Variants in RUFY3 observed in about 807,000 individuals in gnomAD.
RUFY3 encodes the protein protein RUFY3.
A neutral mutation model predicts 84.0 loss-of-function variants in RUFY3; 34 were observed. That is an observed-to-expected ratio of 0.40 (90% confidence interval 0.31 to 0.54). The LOEUF is 0.54. RUFY3 is among the 20% of genes least tolerant of loss of function. RUFY3 has a pLI of 0.39. For missense variants in RUFY3, 507 were observed against 736.8 expected (o/e 0.69, Z 3.61); for synonymous variants, 242 against 252.9 (o/e 0.96, Z 0.41).
Position 70,722,081 on chromosome 4 carries a change from A to AT in RUFY3, c.-483dup, listed in dbSNP as rs1010300782. The stretch of plus-strand genomic sequence containing the variant: ...CTGGAAGTGATTTCTGCAGCTCAGG[A>AT]TTTTTTTTTTAAGCTACATTGAAAA... On this transcript the variant is annotated 5_prime_UTR_variant, in exon 1 of 18. It introduces an in-frame stop codon into an upstream open reading frame of the 5' UTR. Coordinates refer to ENST00000381006, the MANE Select transcript of RUFY3 (RefSeq NM_001037442.4). The AT allele has an allele frequency of 9.9e-5, 115 of 1,158,960 alleles. No homozygotes were observed. Among genetic ancestry groups the AT allele is most frequent in the East Asian group, 3.1e-4 (9 of 29,128 alleles). 71.8% of individuals were successfully genotyped at this position (1,158,960 alleles called of 1,614,324 possible).
chr4:70,785,752 C>A (rs570613407), intron 10 of RUFY3, among the ~76,000 whole-genome samples: 1 of 152,128 alleles, frequency 6.6e-6, no homozygotes, highest in East Asian at 1.9e-4. Context: ...AGGAGAATTG[C>A]TTGAACCTGG....
intron 1 of RUFY3, among the ~76,000 whole-genome samples, chr4:70,731,196 C>T (rs1719213905): frequency 6.6e-6 from 1 of 152,052 alleles, no homozygotes; most frequent in African/African-American, 2.4e-5. Context: ...CGCCACCATG[C>T]CCGGCTAATT....
chr4:70,776,299 G>A lies in RUFY3; in HGVS notation c.824+1066G>A, dbSNP rs186070892. ...CAATAGACTATAATAAAAGTAATGT[G>A]AATGTAGTGTCTCCCTCAAAATCAA... On this transcript the variant is annotated intron_variant, in intron 7 of 17. Transcript: ENST00000381006. Among the ~76,000 whole-genome samples, 4 of 152,264 alleles carry A rather than the reference G, an allele frequency of 2.6e-5. No individual in the cohort carries two copies. The East Asian group carries it at 7.7e-4, about 29-fold the overall frequency.
intron 1 of RUFY3, among the ~76,000 whole-genome samples, chr4:70,753,890 G>A (rs6846947): frequency 0.2 from 30,123 of 151,972 alleles, 6,442 homozygotes; most frequent in African/African-American, 0.53. Flanking sequence ...AGCTTCAAAG[G>A]GGTGAGATTT....
At chr4:70,738,945 G>A (rs1405262379) in intron 1 of RUFY3, among the ~76,000 whole-genome samples, 1 of 151,338 alleles carries the variant, frequency 6.6e-6, no homozygotes, top group Non-Finnish European at 1.5e-5. Context: ...TGAACTCATG[G>A]GCTAGGCGAT....
At chr4:70,782,185 A>G (rs1729033276) in intron 8 of RUFY3, among the ~76,000 whole-genome samples, 1 of 152,142 alleles carries the variant, frequency 6.6e-6, no homozygotes, top group African/African-American at 2.4e-5. Flanking sequence ...TTATTAATAA[A>G]TAATTTTTTT....
At chr4:70,802,800 T>A in intron 15 of RUFY3, 156 bp from the exon 16 acceptor site, 1 of 498,808 alleles carries the variant, frequency 2.0e-6, no homozygotes. Flanking sequence ...TCCTTGGAGG[T>A]CAAAATTAAT....
chr4:70,727,130 G>C (rs1017944499), intron 1 of RUFY3, among the ~76,000 whole-genome samples: 1 of 146,666 alleles, frequency 6.8e-6, no homozygotes, highest in Non-Finnish European at 1.5e-5. Flanking sequence ...GAAAATTTTA[G>C]AGAACATGTG....
At chr4:70,746,743 A>C (rs114069625) in intron 1 of RUFY3, among the ~76,000 whole-genome samples, 2 of 152,234 alleles carry the variant, frequency 1.3e-5, no homozygotes, top group African/African-American at 4.8e-5. Flanking sequence ...GATACATGCA[A>C]CAACCTGAAT....
chr4:70,747,973 T>C (rs1722504223), intron 1 of RUFY3, among the ~76,000 whole-genome samples: 1 of 152,226 alleles, frequency 6.6e-6, no homozygotes, highest in South Asian at 2.1e-4. Flanking sequence ...TAGCACACTC[T>C]TCCAGTCTCT....
At position 70,715,884 on chromosome 4, in the gene RUFY3, C is replaced by T. The variant is rs1464141309; in HGVS notation, c.358+10590C>T. 5.9e-5 allele frequency among the ~76,000 whole-genome samples: 9 copies of T among 152,072 alleles called. 1 individual carries two copies. The highest frequency in any genetic ancestry group is 1.9e-4 in the East Asian group (1 of 5,140). On this transcript the variant is annotated intron_variant, in intron 1 of 11. Coordinates refer to the RUFY3 transcript ENST00000417478. ...ATCCCAGCACTTTGGGAGGCCAAGGCGGGCAGATCACGAGGTCAGGAGATC... is the reference window on the plus strand; with the variant it reads ...ATCCCAGCACTTTGGGAGGCCAAGGTGGGCAGATCACGAGGTCAGGAGATC...
intron 8 of RUFY3, among the ~76,000 whole-genome samples, chr4:70,781,813 C>G (rs1380170111): frequency 3.9e-5 from 6 of 152,220 alleles, no homozygotes; most frequent in African/African-American, 7.2e-5. Context: ...ATTGAGGAGA[C>G]TAGCCTGGCT....
Position 70,773,571 on chromosome 4 carries a change from G to A in RUFY3, c.757G>A (p.Gly253Arg). Residue 253 changes from glycine (G) to arginine (R), a missense_variant and splice_region_variant, in exon 6 of 18, where the codon GGA (glycine) becomes AGA (arginine). Gly to Arg is a moderately radical substitution (Grantham distance 125). Transcript: ENST00000381006. ...CGGGAACAGCAGTAAAGGTACTGAA[G>A]GGTACGTACAAAGAAAATTAGATTT... Reference protein sequence around the residue: ...KDGNSSKGTEGDGQITAILDQ... With the variant: ...KDGNSSKGTERDGQITAILDQ... 6.2e-7 allele frequency: 1 copy of A among 1,605,242 alleles called. No individual in the cohort carries two copies. Among genetic ancestry groups the A allele is most frequent in the Non-Finnish European group, 8.5e-7 (1 of 1,172,590 alleles).
chr4:70,757,556 A>G (rs1245294357), intron 1 of RUFY3, among the ~76,000 whole-genome samples: 1 of 152,206 alleles, frequency 6.6e-6, no homozygotes, highest in African/African-American at 2.4e-5. Flanking sequence ...GTGAGCCAAG[A>G]TCGCGCCATT....
chr4:70,772,282 A>G (rs984515289), intron 5 of RUFY3, among the ~76,000 whole-genome samples: 1 of 152,152 alleles, frequency 6.6e-6, no homozygotes, highest in African/African-American at 2.4e-5. Context: ...ACAATGCTCA[A>G]GCCCTTACAG....
chr4:70,754,066 G>A (rs909633381), intron 1 of RUFY3, among the ~76,000 whole-genome samples: 8 of 146,734 alleles, frequency 5.5e-5, no homozygotes, highest in African/African-American at 1.8e-4. Flanking sequence ...TTTTTTTTTC[G>A]AGATGGAGTT....
intron 1 of RUFY3, among the ~76,000 whole-genome samples, chr4:70,759,222 T>G (rs985212834): frequency 6.6e-6 from 1 of 152,192 alleles, no homozygotes; most frequent in Admixed American, 6.5e-5. Flanking sequence ...GCTCAACTTT[T>G]TTAGCTTCCA....
upstream of RUFY3, among the ~76,000 whole-genome samples, chr4:70,721,301 A>C (rs966167356): frequency 6.6e-6 from 1 of 151,102 alleles, no homozygotes; most frequent in Admixed American, 6.6e-5. Context: ...CTCAAAAAAG[A>C]AAAAAGAAAA....
intron 1 of RUFY3, among the ~76,000 whole-genome samples, chr4:70,729,821 G>A (rs998468245): frequency 2.0e-5 from 3 of 151,916 alleles, no homozygotes; most frequent in African/African-American, 7.3e-5. Flanking sequence ...ATTAGTAGTA[G>A]CTTAAACTCA....
Sources: gnomAD v4.1 joint callset for allele counts (sites outside exome capture counted in the v4.1 genomes callset) on GRCh38, gnomAD v4.1.1 for gene constraint, MANE v1.5 for transcripts, NCBI Gene and HGNC (gene_info 2026-07-23, HGNC 2026-07-21) for gene names.